The following ANKRD28 variants were observed in gnomAD, a reference collection of about 807,000 sequenced individuals.
ANKRD28 encodes the protein serine/threonine-protein phosphatase 6 regulatory ankyrin repeat subunit A.
A neutral mutation model predicts 126.5 loss-of-function variants in ANKRD28; 44 were observed. The observed-to-expected ratio is 0.35, with a 90% CI of 0.27 to 0.45. ANKRD28 has a LOEUF of 0.45. Among genes scored for constraint, ANKRD28 ranks in the 20% least tolerant of loss-of-function variants. ANKRD28 has a pLI of 1.00. For missense variants in ANKRD28, 1,110 were observed against 1,316.6 expected (o/e 0.84, Z 2.43); for synonymous variants, 442 against 468.5 (o/e 0.94, Z 0.73).
At chr3:15,794,075 A>AC (rs2060159909) in intron 2 of ANKRD28, among the ~76,000 whole-genome samples, 1 of 151,390 alleles carries the variant, frequency 6.6e-6, no homozygotes, top group Admixed American at 6.6e-5. Flanking sequence ...GTCTCTAAAT[A>AC]AATACATACA....
chr3:15,679,453 T>C (rs2067293879), intron 22 of ANKRD28, 23 bp downstream of exon 22: 1 of 1,613,604 alleles, frequency 6.2e-7, no homozygotes, highest in Non-Finnish European at 8.5e-7. Flanking sequence ...AAACCAAATC[T>C]GATTCATTCT....
intron 1 of ANKRD28, among the ~76,000 whole-genome samples, chr3:15,858,829 G>C (rs1415504725): frequency 6.6e-6 from 1 of 152,224 alleles, no homozygotes; most frequent in Non-Finnish European, 1.5e-5. Context: ...TCTTTGACCA[G>C]CTCTTCATAA....
intron 4 of ANKRD28, among the ~76,000 whole-genome samples, chr3:15,745,415 T>A (rs746529121): frequency 1.3e-5 from 2 of 152,208 alleles, no homozygotes; most frequent in African/African-American, 4.8e-5. Context: ...GATGATACAG[T>A]TTCCTTCTTC....
intron 4 of ANKRD28, among the ~76,000 whole-genome samples, chr3:15,741,016 G>C (rs1363116677): frequency 3.3e-5 from 5 of 151,992 alleles, no homozygotes; most frequent in Non-Finnish European, 7.4e-5. Flanking sequence ...CTGGCTAACA[G>C]GGTGAAACCC....
intron 1 of ANKRD28, among the ~76,000 whole-genome samples, chr3:15,823,994 G>A (rs2061003598): frequency 6.6e-6 from 1 of 152,102 alleles, no homozygotes; most frequent in Non-Finnish European, 1.5e-5. Flanking sequence ...TCAAAGATCA[G>A]GAGAGAGATA....
intron 1 of ANKRD28, among the ~76,000 whole-genome samples, chr3:15,806,471 CTCT>C (rs1446053878): frequency 6.6e-6 from 1 of 152,038 alleles, no homozygotes; most frequent in Non-Finnish European, 1.5e-5. Flanking sequence ...TCATCATTAC[CTCT>C]TAGAAGGCAG....
At chr3:15,693,782 A>G (rs868223106) in intron 17 of ANKRD28, among the ~76,000 whole-genome samples, 5 of 152,184 alleles carry the variant, frequency 3.3e-5, no homozygotes, top group Non-Finnish European at 5.9e-5. Flanking sequence ...AGCTTCAAGA[A>G]TGCTTTCTTA....
At chr3:15,704,872 G>C (rs952153324) in intron 14 of ANKRD28, among the ~76,000 whole-genome samples, 5 of 152,130 alleles carry the variant, frequency 3.3e-5, no homozygotes, top group African/African-American at 7.2e-5. Flanking sequence ...GATGGCACTC[G>C]ACAGGCTCTC....
At chr3:15,786,711 TTAG>T (rs1258134473) in intron 2 of ANKRD28, among the ~76,000 whole-genome samples, 1 of 152,130 alleles carries the variant, frequency 6.6e-6, no homozygotes, top group Non-Finnish European at 1.5e-5. Context: ...AGTATGAAAT[TTAG>T]GACATAATTT....
In ANKRD28 at chr3:15,669,194, A is replaced by G. The variant is rs2066142064; in HGVS notation, c.*1076T>C. Reference sequence around the variant, plus strand: ...AAGAGACTTTAGTGATGCTTAATTTATGAACAACAAGGAATTATTTTCCTT... The same window carrying G: ...AAGAGACTTTAGTGATGCTTAATTTGTGAACAACAAGGAATTATTTTCCTT... On this transcript the variant is annotated 3_prime_UTR_variant, in exon 28 of 28. Coordinates refer to ENST00000683139, the MANE Select transcript of ANKRD28 (RefSeq NM_001349278.2). 1 of 152,242 alleles carries G rather than the reference A, an allele frequency of 6.6e-6. No homozygotes were observed. The highest frequency in any genetic ancestry group is 2.1e-4 in the South Asian group (1 of 4,832). 9.4% of individuals were successfully genotyped at this position (152,242 alleles called of 1,614,324 possible).
chr3:15,678,186 C>A (rs1262668223), intron 24 of ANKRD28, 23 bp downstream of exon 24: 1 of 1,589,010 alleles, frequency 6.3e-7, no homozygotes, highest in African/African-American at 1.3e-5. Flanking sequence ...TAGGAAAATA[C>A]AATTTTAAAG....
intron 6 of ANKRD28, among the ~76,000 whole-genome samples, chr3:15,734,524 A>G (rs2074881477): frequency 6.6e-6 from 1 of 152,206 alleles, no homozygotes; most frequent in South Asian, 2.1e-4. Context: ...GCAGGAAGAA[A>G]AAAAGCCCTG....
chr3:15,725,073 T>A (rs926581559), intron 6 of ANKRD28, among the ~76,000 whole-genome samples: 10 of 152,206 alleles, frequency 6.6e-5, no homozygotes, highest in African/African-American at 2.4e-4. Context: ...TGGCCCTCTG[T>A]ATACACTAGT....
chr3:15,735,482 A>T lies in ANKRD28; in HGVS notation c.568T>A (p.Leu190Met). 6.4e-7 allele frequency: 1 copy of T among 1,555,370 alleles called. No individual in the cohort carries two copies. The highest frequency in any genetic ancestry group is 1.2e-5 in the South Asian group (1 of 84,216). ...SGHGEMVKLL[L>M]SRGANINAFD... ...GCATTAATATTGGCACCTCTAGACAAGAGTAGTTTGACCATCTGGAATAGA... is the reference window on the plus strand; with the variant it reads ...GCATTAATATTGGCACCTCTAGACATGAGTAGTTTGACCATCTGGAATAGA... Residue 190 changes from leucine (L) to methionine (M), a missense_variant, in exon 6 of 28, where the codon TTG becomes ATG. Transcript: ENST00000683139.
At chr3:15,730,407 G>A (rs1350283393) in intron 6 of ANKRD28, among the ~76,000 whole-genome samples, 1 of 152,158 alleles carries the variant, frequency 6.6e-6, no homozygotes, top group African/African-American at 2.4e-5. Context: ...AAGTATAAGA[G>A]GTAGGGCCTA....
chr3:15,689,336 A>G (rs1213096656), intron 18 of ANKRD28, among the ~76,000 whole-genome samples: 2 of 152,208 alleles, frequency 1.3e-5, no homozygotes, highest in Non-Finnish European at 2.9e-5. Context: ...TTCTGTCTGG[A>G]GAAATGCCTT....
At chr3:15,694,128 A>G (rs2069189662) in intron 17 of ANKRD28, among the ~76,000 whole-genome samples, 1 of 152,152 alleles carries the variant, frequency 6.6e-6, no homozygotes, top group South Asian at 2.1e-4. Context: ...ATTAGGATCT[A>G]CTTGAAATTT....
intron 9 of ANKRD28, 101 bp from the exon 10 acceptor site, chr3:15,713,742 T>C (rs941046929): frequency 2.4e-5 from 15 of 623,818 alleles, no homozygotes; most frequent in Non-Finnish European, 3.7e-5. Context: ...TACAAACTAA[T>C]AGATACAGCA....
At chr3:15,713,724 T>C (rs2072629691) in intron 9 of ANKRD28, 83 bp from the exon 10 acceptor site, 1 of 845,838 alleles carries the variant, frequency 1.2e-6, no homozygotes, top group Non-Finnish European at 1.8e-6. Context: ...TAAAAAATGC[T>C]GTTCACATAC....
Sources: allele counts gnomAD v4.1 joint callset (sites outside exome capture counted in the v4.1 genomes callset), GRCh38; gene constraint gnomAD v4.1.1; transcripts MANE v1.5; gene names NCBI Gene and HGNC (gene_info 2026-07-23, HGNC 2026-07-21).